Variants in KIAA1328 observed in about 807,000 individuals in gnomAD.
KIAA1328 encodes KIAA1328.
In KIAA1328, 52 loss-of-function variants were observed where a neutral mutation model predicts 68.1. The observed-to-expected ratio is 0.76, with a 90% CI of 0.61 to 0.96. KIAA1328 has a LOEUF of 0.96. KIAA1328 is among the 40% of genes least tolerant of loss of function. The probability of loss-of-function intolerance (pLI) is 0.00; values close to 1 mark genes in which losing one functional copy is unlikely to be tolerated. For missense variants in KIAA1328, 641 were observed against 677.6 expected, an observed-to-expected ratio of 0.95 and a Z score of 0.60; for synonymous variants, 232 against 239.4, an observed-to-expected ratio of 0.97 and a Z score of 0.28.
intron 7 of KIAA1328, among the ~76,000 whole-genome samples, chr18:37,099,117 C>A (rs2057514369): frequency 6.6e-6 from 1 of 152,118 alleles, no homozygotes; most frequent in Admixed American, 6.6e-5. Flanking sequence ...CTTCTGCTAG[C>A]TTTTGAATGT....
chr18:37,049,218 A>G (rs1054902389), intron 6 of KIAA1328, among the ~76,000 whole-genome samples: 1 of 152,180 alleles, frequency 6.6e-6, no homozygotes, highest in Non-Finnish European at 1.5e-5. Flanking sequence ...CTGTCATGGA[A>G]CAGGATGAAA....
intron 9 of KIAA1328, among the ~76,000 whole-genome samples, chr18:37,213,756 C>G (rs374321734): frequency 6.6e-6 from 1 of 152,258 alleles, no homozygotes; most frequent in African/African-American, 2.4e-5. Context: ...CTAGTTTACA[C>G]TCCCACCAAC....
intron 7 of KIAA1328, among the ~76,000 whole-genome samples, chr18:37,115,796 G>C (rs2058089001): frequency 6.6e-6 from 1 of 152,182 alleles, no homozygotes; most frequent in African/African-American, 2.4e-5. Context: ...TCCTTAAGCT[G>C]ATAAGCAATT....
intron 7 of KIAA1328, among the ~76,000 whole-genome samples, chr18:37,140,882 A>T (rs1342889427): frequency 6.6e-6 from 1 of 152,184 alleles, no homozygotes; most frequent in Non-Finnish European, 1.5e-5. Context: ...AGAAACACTG[A>T]TCATCTGACA....
At chr18:37,097,000 A>G (rs1474865893) in intron 7 of KIAA1328, among the ~76,000 whole-genome samples, 1 of 152,168 alleles carries the variant, frequency 6.6e-6, no homozygotes, top group Non-Finnish European at 1.5e-5. Flanking sequence ...GTAGATTGCA[A>G]AAATTTTCTC....
rs190148591 is a variant in KIAA1328, at chr18:37,035,593, A to T, written c.577-31297A>T. Among the ~76,000 whole-genome samples the T allele has an allele frequency of 2.1e-3, 316 of 152,356 alleles. 4 individuals carry two copies. Among genetic ancestry groups the T allele is most frequent in the Non-Finnish European group, 5.1e-4 (35 of 68,034 alleles). On this transcript the variant is annotated intron_variant, in intron 6 of 9. Transcript: ENST00000280020. ...AATGACCAGTGTGCTTAAATAACAC[A>T]GCATTAGAAAATAGAGAAGAGTCTC...
chr18:36,893,361 G>T (rs534468990), intron 5 of KIAA1328, among the ~76,000 whole-genome samples: 1 of 151,866 alleles, frequency 6.6e-6, no homozygotes, highest in South Asian at 2.1e-4. Flanking sequence ...TGGATCTCCT[G>T]GGCTTAAGTA....
chr18:37,107,826 A>T (rs1192593286), intron 7 of KIAA1328, among the ~76,000 whole-genome samples: 1 of 151,926 alleles, frequency 6.6e-6, no homozygotes, highest in Non-Finnish European at 1.5e-5. Context: ...GACTTATGAG[A>T]TGCCATCTCA....
intron 5 of KIAA1328, among the ~76,000 whole-genome samples, chr18:36,930,493 T>G (rs989205582): frequency 6.6e-6 from 1 of 152,112 alleles, no homozygotes; most frequent in Admixed American, 6.5e-5. Context: ...TATAGGTGAG[T>G]TAAATAGTTT....
chr18:37,027,186 G>A (rs1045467255), intron 6 of KIAA1328, among the ~76,000 whole-genome samples: 1 of 152,110 alleles, frequency 6.6e-6, no homozygotes, highest in Non-Finnish European at 1.5e-5. Context: ...TCTTCAAGGA[G>A]AACTACAAAC....
intron 6 of KIAA1328, among the ~76,000 whole-genome samples, chr18:36,961,196 A>C (rs2151278022): frequency 6.6e-6 from 1 of 152,364 alleles, no homozygotes; most frequent in African/African-American, 2.4e-5. Flanking sequence ...TGATTCAATC[A>C]AGTGGAAGAA....
At chr18:37,113,639 A>T (rs1001055817) in intron 7 of KIAA1328, among the ~76,000 whole-genome samples, 1 of 152,186 alleles carries the variant, frequency 6.6e-6, no homozygotes, top group African/African-American at 2.4e-5. Flanking sequence ...TAATGACAGG[A>T]TCGAATTCAC....
intron 7 of KIAA1328, among the ~76,000 whole-genome samples, chr18:37,088,330 C>A (rs1423588740): frequency 6.6e-6 from 1 of 152,128 alleles, no homozygotes; most frequent in African/African-American, 2.4e-5. Flanking sequence ...GATACGTATT[C>A]AATCAGTCAT....
At chr18:36,842,253 G>A (rs981850792) in intron 3 of KIAA1328, among the ~76,000 whole-genome samples, 6 of 152,070 alleles carry the variant, frequency 3.9e-5, no homozygotes, top group African/African-American at 7.2e-5. Flanking sequence ...ACACCAACCC[G>A]GCTGGTACTG....
At chr18:36,973,328 G>C (rs2052312844) in intron 6 of KIAA1328, among the ~76,000 whole-genome samples, 1 of 151,834 alleles carries the variant, frequency 6.6e-6, no homozygotes, top group Non-Finnish European at 1.5e-5. Context: ...CTGCTGGGGG[G>C]TCGGGGGAGG....
intron 5 of KIAA1328, among the ~76,000 whole-genome samples, chr18:36,887,735 A>C (rs570234016): frequency 6.6e-6 from 1 of 152,344 alleles, no homozygotes; most frequent in South Asian, 2.1e-4. Context: ...CTGGAGAAGA[A>C]GACTGGAAAT....
chr18:36,959,302 T>C lies in KIAA1328; in HGVS notation c.449-6T>C. The C allele has an allele frequency of 6.4e-7, 1 of 1,568,582 alleles. No homozygotes were observed. On this transcript the variant is annotated splice_polypyrimidine_tract_variant and splice_region_variant and intron_variant, in intron 5 of 9. Coordinates refer to ENST00000280020, the MANE Select transcript of KIAA1328 (RefSeq NM_020776.3). ...TCAGTTTTTTTCCCTTAATTTGCAA[T>C]CTCACCTCTTCAGCTACAGTATAGA...
intron 9 of KIAA1328, 109 bp downstream of exon 9, chr18:37,173,190 C>G: frequency 1.3e-6 from 1 of 782,892 alleles, no homozygotes; most frequent in Non-Finnish European, 2.0e-6. Flanking sequence ...GTAATTCTTT[C>G]TCAAGAGAGG....
At chr18:36,860,101 A>G (rs1479325597) in intron 4 of KIAA1328, among the ~76,000 whole-genome samples, 1 of 151,994 alleles carries the variant, frequency 6.6e-6, no homozygotes, top group Non-Finnish European at 1.5e-5. Flanking sequence ...TTCTGTGTAT[A>G]TTTGATAGCT....
Sources: allele counts gnomAD v4.1 joint callset (sites outside exome capture counted in the v4.1 genomes callset), GRCh38; gene constraint gnomAD v4.1.1; transcripts MANE v1.5; gene names NCBI Gene and HGNC (gene_info 2026-07-23, HGNC 2026-07-21).